SYNE1: variants seen among roughly 807,000 people sequenced by gnomAD.
The protein encoded by SYNE1 is nesprin-1.
SYNE1 carries 616 observed loss-of-function variants against 1,111.0 expected under a neutral mutation model. That is an observed-to-expected ratio of 0.55 (90% CI 0.52 to 0.59). The LOEUF is 0.59. Ranked by LOEUF, SYNE1 falls within the 20% of genes least tolerant of loss-of-function variation. The probability of loss-of-function intolerance (pLI) is 0.00; values close to 1 mark genes in which losing one functional copy is unlikely to be tolerated. For missense variants in SYNE1, 10,006 were observed against 10,417.0 expected, an observed-to-expected ratio of 0.96 and a Z score of 1.72; for synonymous variants, 3,855 against 3,825.8, an observed-to-expected ratio of 1.01 and a Z score of -0.28.
At chr6:152,302,234 G>A (rs1018751091) in intron 91 of SYNE1, 171 bp from the exon 92 acceptor site, 4 of 866,586 alleles carry the variant, frequency 4.6e-6, no homozygotes, top group South Asian at 1.5e-5. Context: ...GAGCCAGACC[G>A]CAGGCTGCGC....
At position 152,220,910 on chromosome 6, in the gene SYNE1, G is replaced by C; in HGVS notation, c.21793C>G (p.Leu7265Val). The change falls in exon 119 of 146, where the codon CTG becomes GTG. Residue 7265 changes from leucine to valine, a missense_variant. Leu to Val is a conservative substitution (Grantham distance 32). This residue lies in a region of SYNE1 where 2,182 missense variants were observed against 2,287.8 expected (regional missense o/e 0.95). Coordinates refer to ENST00000367255, the MANE Select transcript of SYNE1 (RefSeq NM_182961.4). ...VQQQEDRTNE[L>V]LKAATNKDIA... ...TCCTTGTTTGTGGCTGCCTTCAACAGCTCATTGGTTCGATCCTCCTGCTGC... is the reference window on the plus strand; with the variant it reads ...TCCTTGTTTGTGGCTGCCTTCAACACCTCATTGGTTCGATCCTCCTGCTGC... 1 of 1,614,142 alleles carries C rather than the reference G, an allele frequency of 6.2e-7. No individual in the cohort carries two copies. The highest frequency in any genetic ancestry group is 8.5e-7 in the Non-Finnish European group (1 of 1,180,002).
chr6:152,135,326 T>G, intron 141 of SYNE1, 94 bp from the exon 142 acceptor site: 1 of 1,448,882 alleles, frequency 6.9e-7, no homozygotes, highest in Non-Finnish European at 9.4e-7. Context: ...GCAAACATAC[T>G]TGGTTTTAAG....
chr6:152,580,121 A>T (rs1039614217), intron 3 of SYNE1, among the ~76,000 whole-genome samples: 2 of 152,340 alleles, frequency 1.3e-5, no homozygotes, highest in East Asian at 3.9e-4. Context: ...ACTGATTTAC[A>T]TTCCCACCAG....
intron 93 of SYNE1, among the ~76,000 whole-genome samples, chr6:152,297,285 C>T (rs1408458): frequency 0.3 from 46,269 of 151,916 alleles, 7,558 homozygotes; most frequent in African/African-American, 0.42. Context: ...TCATCTCACA[C>T]GACCCAACTG....
At chr6:152,403,912 A>G (rs1350621014) in intron 46 of SYNE1, among the ~76,000 whole-genome samples, 4 of 152,068 alleles carry the variant, frequency 2.6e-5, no homozygotes, top group African/African-American at 9.7e-5. Flanking sequence ...AGGAATGTGG[A>G]AATATATTAA....
chr6:152,569,486 A>AT (rs527249561), intron 3 of SYNE1, among the ~76,000 whole-genome samples: 5 of 152,168 alleles, frequency 3.3e-5, no homozygotes, highest in Admixed American at 6.5e-5. Flanking sequence ...TTAAATTTAG[A>AT]TTTTTTTAAG....
At chr6:152,430,412 T>G in intron 35 of SYNE1, 70 bp downstream of exon 35, 1 of 1,372,596 alleles carries the variant, frequency 7.3e-7, no homozygotes, top group Non-Finnish European at 1.0e-6. Context: ...ATTTGTAAAG[T>G]ATTTATTGCA....
chr6:152,274,526 G>A (rs2093442384), intron 98 of SYNE1, among the ~76,000 whole-genome samples: 1 of 151,860 alleles, frequency 6.6e-6, no homozygotes, highest in Non-Finnish European at 1.5e-5. Context: ...TTTTGGGGGT[G>A]GGGAAGGGGG....
rs1464416961 is a variant in SYNE1, at chr6:152,451,165, T to C, written c.3068A>G (p.Lys1023Arg). ...GAACCTATTCTTCTCCACATCAATC[T>C]TCAGATGAAGCAAATGATAAGGGGC... ...GEAPYHLLHL[K>R]IDVEKNRFLA... Residue 1023 changes from lysine (K) to arginine (R), a missense_variant, in exon 26 of 146, where the codon AAG becomes AGG. Around this residue, in one of 7 missense-constraint regions of SYNE1, gnomAD observed 1,971 missense variants for 2,084.1 expected, o/e 0.95. Transcript: ENST00000367255. 9 of 1,614,098 alleles carry C rather than the reference T, an allele frequency of 5.6e-6. No individual in the cohort carries two copies. Among genetic ancestry groups the C allele is most frequent in the Non-Finnish European group, 7.6e-6 (9 of 1,180,028 alleles).
At chr6:152,541,052 C>T (rs2099267052) in intron 3 of SYNE1, among the ~76,000 whole-genome samples, 1 of 152,100 alleles carries the variant, frequency 6.6e-6, no homozygotes, top group Non-Finnish European at 1.5e-5. Context: ...ATGATTGTTG[C>T]TTTAAACTTC....
chr6:152,168,438 G>GT (rs2064221588), intron 130 of SYNE1: 1 of 500,454 alleles, frequency 2.0e-6, no homozygotes, highest in African/African-American at 1.9e-5. Context: ...TAGGCCACGA[G>GT]TGTAAGAAGG....
Position 152,520,456 on chromosome 6 carries a change from T to C in SYNE1, c.309+3A>G, listed in dbSNP as rs2099133351. 1 of 1,613,324 alleles carries C rather than the reference T, an allele frequency of 6.2e-7. No individual in the cohort carries two copies. The highest frequency in any genetic ancestry group is 8.5e-7 in the Non-Finnish European group (1 of 1,179,572). On this transcript the variant is annotated splice_donor_region_variant and intron_variant, in intron 6 of 145. Transcript: ENST00000367255. ...GGGCATTTTGTTTTTGTTTCTCTCT[T>C]ACCTTTCTTCCTTCGAGGAACTTGA...
chr6:152,626,333 T>C (rs1365394110), intron 3 of SYNE1, among the ~76,000 whole-genome samples: 1 of 152,116 alleles, frequency 6.6e-6, no homozygotes, highest in Admixed American at 6.5e-5. Flanking sequence ...CAAAGGAAAA[T>C]CTGCTTTACT....
At chr6:152,373,765 A>C (rs1388284352) in intron 58 of SYNE1, among the ~76,000 whole-genome samples, 3 of 152,242 alleles carry the variant, frequency 2.0e-5, no homozygotes, top group Admixed American at 2.0e-4. Flanking sequence ...AAAAATAATC[A>C]GGAGAAGAAA....
chr6:152,248,739 C>T (rs150921197), intron 105 of SYNE1, among the ~76,000 whole-genome samples: 1 of 152,076 alleles, frequency 6.6e-6, no homozygotes, highest in African/African-American at 2.4e-5. Context: ...TGTTGTGTGT[C>T]CAAACTCTTA....
intron 3 of SYNE1, among the ~76,000 whole-genome samples, chr6:152,567,395 G>T (rs2099417437): frequency 6.6e-6 from 1 of 151,766 alleles, no homozygotes; most frequent in Non-Finnish European, 1.5e-5. Flanking sequence ...ACGTTATTTT[G>T]TTTTCCTAAC....
intron 133 of SYNE1, among the ~76,000 whole-genome samples, chr6:152,154,572 T>C (rs754262659): frequency 3.9e-5 from 6 of 152,122 alleles, no homozygotes; most frequent in Non-Finnish European, 8.8e-5. Flanking sequence ...TTAGAAAAGA[T>C]GGTTGACTGT....
intron 14 of SYNE1, 76 bp from the exon 15 acceptor site, chr6:152,472,489 C>G (rs746884322): frequency 1.5e-6 from 2 of 1,326,744 alleles, no homozygotes; most frequent in Non-Finnish European, 2.2e-6. Context: ...ATTTCCAGCC[C>G]GCACCGATGA....
chr6:152,236,469 G>GTA (rs1399132484), intron 109 of SYNE1, among the ~76,000 whole-genome samples, 166 bp from the exon 110 acceptor site: 2 of 151,902 alleles, frequency 1.3e-5, no homozygotes, highest in Non-Finnish European at 2.9e-5. Flanking sequence ...CTATATTTAA[G>GTA]TATAGACAGT....
Sources: allele counts gnomAD v4.1 joint callset (sites outside exome capture counted in the v4.1 genomes callset), GRCh38; gene constraint gnomAD v4.1.1; regional missense constraint gnomAD v4.1.1; transcripts MANE v1.5; gene names NCBI Gene and HGNC (gene_info 2026-07-23, HGNC 2026-07-21).